TNFRSF10B: variants seen among roughly 807,000 people sequenced by gnomAD.
TNFRSF10B encodes tumor necrosis factor receptor superfamily member 10B.
A neutral mutation model predicts 41.4 loss-of-function variants in TNFRSF10B; 35 were observed. The ratio of observed to expected loss-of-function variants is 0.85; its 90% CI spans 0.65 to 1.12. The LOEUF is 1.12. Ranked by LOEUF, TNFRSF10B falls within the 50% of genes most tolerant of loss-of-function variation. TNFRSF10B has a pLI of 0.00. For missense variants in TNFRSF10B, 584 were observed against 552.7 expected (o/e 1.06, Z -0.57); for synonymous variants, 230 against 215.5 (o/e 1.07, Z -0.59).
rs1054438963 is a variant in TNFRSF10B at position 23,020,920 on chromosome 8, G to C, written c.*1751C>G. On this transcript the variant is annotated 3_prime_UTR_variant, in exon 9 of 9. Coordinates refer to ENST00000276431, the MANE Select transcript of TNFRSF10B (RefSeq NM_003842.5). Reference sequence around the variant, plus strand: ...GCAGGGGACAACGCGTGGGATGCCAGATGGAAGTGGGAGAGGATGGAAGTG... The same window carrying C: ...GCAGGGGACAACGCGTGGGATGCCACATGGAAGTGGGAGAGGATGGAAGTG... 1.7e-4 allele frequency: 75 copies of C among 453,996 alleles called. No homozygotes were observed. Among genetic ancestry groups the C allele is most frequent in the Non-Finnish European group, 8.8e-6 (2 of 226,814 alleles). 28.1% of individuals were successfully genotyped at this position (453,996 alleles called of 1,614,324 possible).
chr8:23,063,699 C>T (rs73544895), intron 1 of TNFRSF10B, among the ~76,000 whole-genome samples: 1,633 of 152,290 alleles, frequency 0.011, 27 homozygotes, highest in African/African-American at 0.037. Flanking sequence ...ACCCTAACCA[C>T]TAGGACCCAT....
intron 1 of TNFRSF10B, among the ~76,000 whole-genome samples, chr8:23,058,535 G>C (rs1194192677): frequency 1.3e-5 from 2 of 151,562 alleles, no homozygotes; most frequent in Non-Finnish European, 2.9e-5. Context: ...GCCCAGGCTG[G>C]AGTGCCATGG....
intron 2 of TNFRSF10B, among the ~76,000 whole-genome samples, chr8:23,037,919 G>T (rs1321230904): frequency 6.6e-6 from 1 of 152,140 alleles, no homozygotes; most frequent in African/African-American, 2.4e-5. Flanking sequence ...CAAAATTTTT[G>T]CTGCTTTATG....
At chr8:23,063,710 C>A (rs895187058) in intron 1 of TNFRSF10B, among the ~76,000 whole-genome samples, 2 of 152,200 alleles carry the variant, frequency 1.3e-5, no homozygotes, top group East Asian at 1.9e-4. Flanking sequence ...TAGGACCCAT[C>A]CCGAATGCTG....
chr8:23,064,176 C>G (rs1167473844), intron 1 of TNFRSF10B, among the ~76,000 whole-genome samples: 2 of 152,144 alleles, frequency 1.3e-5, no homozygotes, highest in Non-Finnish European at 2.9e-5. Flanking sequence ...GAGGGGCTGC[C>G]CAGGCAGAGG....
In TNFRSF10B at chr8:23,069,017, TTA is replaced by T; in HGVS notation, c.-125_-124del. 1 of 1,507,404 alleles carries T rather than the reference TTA, an allele frequency of 6.6e-7. No individual in the cohort carries two copies. Among genetic ancestry groups the T allele is most frequent in the Non-Finnish European group, 9.1e-7 (1 of 1,103,720 alleles). The allele number at this position is 1,507,404 out of a possible 1,614,324, so 93.4% of individuals were successfully genotyped here. On this transcript the variant is annotated 5_prime_UTR_variant, in exon 1 of 9. Transcript: ENST00000276431. ...CGGGGTTCTCCGGCCGCGTGCTGATTTATGTGTCCAGGCTGACTTGGGGCGGC... is the reference window on the plus strand; with the variant it reads ...CGGGGTTCTCCGGCCGCGTGCTGATTTGTGTCCAGGCTGACTTGGGGCGGC...
chr8:23,034,008 C>T (rs1811960965), intron 2 of TNFRSF10B, among the ~76,000 whole-genome samples: 1 of 152,140 alleles, frequency 6.6e-6, no homozygotes, highest in African/African-American at 2.4e-5. Flanking sequence ...CAGTCTGTAG[C>T]ACAGTATTAT....
rs745888724 is a variant in TNFRSF10B at position 23,030,796 on chromosome 8, G to T, written c.327C>A (p.Asp109Glu). Reference sequence around the variant, plus strand: ...TGGTGCAGCGCAAGCAGAAAAGGAGGTCATTCCAGTGAGTGCTATAGTCCT... The same window carrying T: ...TGGTGCAGCGCAAGCAGAAAAGGAGTTCATTCCAGTGAGTGCTATAGTCCT... Reference protein sequence around the residue: ...YGQDYSTHWNDLLFCLRCTRC... With the variant: ...YGQDYSTHWNELLFCLRCTRC... Residue 109 changes from aspartate to glutamate, a missense_variant, in exon 3 of 9, where the codon GAC becomes GAA. Coordinates refer to ENST00000276431, the MANE Select transcript of TNFRSF10B (RefSeq NM_003842.5). 2.5e-6 allele frequency: 4 copies of T among 1,613,258 alleles called. No homozygotes were observed. The highest frequency in any genetic ancestry group is 3.4e-6 in the Non-Finnish European group (4 of 1,179,622).
chr8:23,046,662 A>G (rs1283403505), intron 1 of TNFRSF10B, among the ~76,000 whole-genome samples: 1 of 152,046 alleles, frequency 6.6e-6, no homozygotes, highest in Non-Finnish European at 1.5e-5. Flanking sequence ...ATCATGATCA[A>G]AAAGTACAAT....
rs763844100 is a variant in TNFRSF10B at position 23,021,850 on chromosome 8, C to T, written c.*821G>A. ...TACAGGGGACTTCTTCTTCTTCCCC[C>T]ATTGTATGTCTCCTCCTTTTATGTT... is the stretch of plus-strand genomic sequence containing the variant. On this transcript the variant is annotated 3_prime_UTR_variant, in exon 9 of 9. Transcript: ENST00000276431. 56 of 454,028 alleles carry T rather than the reference C, an allele frequency of 1.2e-4. No homozygotes were observed. The highest frequency in any genetic ancestry group is 1.1e-3 in the African/African-American group (54 of 50,008). The allele number at this position is 454,028 out of a possible 1,614,324, so 28.1% of individuals were successfully genotyped here.
At chr8:23,060,221 A>G (rs999444057) in intron 1 of TNFRSF10B, among the ~76,000 whole-genome samples, 1 of 152,356 alleles carries the variant, frequency 6.6e-6, no homozygotes, top group South Asian at 2.1e-4. Context: ...GCCAAATCCA[A>G]TGTCACAGAA....
chr8:23,057,156 C>T (rs989503917), intron 1 of TNFRSF10B, among the ~76,000 whole-genome samples: 42 of 150,978 alleles, frequency 2.8e-4, no homozygotes, highest in Non-Finnish European at 1.6e-4. Flanking sequence ...TCTCCTGCCT[C>T]AGCCTCCCGA....
intron 1 of TNFRSF10B, among the ~76,000 whole-genome samples, chr8:23,054,268 G>A (rs1812601368): frequency 6.6e-6 from 1 of 152,162 alleles, no homozygotes; most frequent in South Asian, 2.1e-4. Context: ...TGAACTAATA[G>A]GAGACTGAAG....
chr8:23,034,372 T>C (rs1412620431), intron 2 of TNFRSF10B, among the ~76,000 whole-genome samples: 1 of 152,120 alleles, frequency 6.6e-6, no homozygotes, highest in African/African-American at 2.4e-5. Flanking sequence ...AAGACTATTA[T>C]GGTGGAAAAG....
chr8:23,068,887 T>C lies in TNFRSF10B; in HGVS notation c.8A>G (p.Gln3Arg), dbSNP rs1190108568. ...AGCGGCCGGGGCGTTCTGTCCCCGTTGTTCCATGGCGGTAGGGAACGCTCT... is the reference window on the plus strand; with the variant it reads ...AGCGGCCGGGGCGTTCTGTCCCCGTCGTTCCATGGCGGTAGGGAACGCTCT... ME[Q>R]RGQNAPAASG... Residue 3 changes from glutamine (Q) to arginine (R), a missense_variant, in exon 1 of 9, where the codon CAA (glutamine) becomes CGA (arginine). By Grantham distance (43) the Gln-to-Arg change is conservative. Coordinates refer to ENST00000276431, the MANE Select transcript of TNFRSF10B (RefSeq NM_003842.5). 2 of 1,613,398 alleles carry C rather than the reference T, an allele frequency of 1.2e-6. No individual in the cohort carries two copies. Among genetic ancestry groups the C allele is most frequent in the Admixed American group, 1.7e-5 (1 of 60,014 alleles).
At position 23,030,945 on chromosome 8, in the gene TNFRSF10B, A is replaced by G. The variant is rs1292306777; in HGVS notation, c.251-73T>C. The G allele has an allele frequency of 2.7e-6, 3 of 1,093,362 alleles. No homozygotes were observed. In the East Asian group the frequency reaches 7.5e-5, roughly 27 times the overall value. 67.7% of individuals were successfully genotyped at this position (1,093,362 alleles called of 1,614,324 possible). On this transcript the variant is annotated intron_variant, in intron 2 of 8. Coordinates refer to ENST00000276431, the MANE Select transcript of TNFRSF10B (RefSeq NM_003842.5). ...AGAAGCTGGCAGTGGTGGCTGGGGG[A>G]CTCCTCTTTCAGGGATGTGTGGAAC...
chr8:23,054,180 A>C (rs183817484), intron 1 of TNFRSF10B, among the ~76,000 whole-genome samples: 10 of 152,330 alleles, frequency 6.6e-5, no homozygotes, highest in Middle Eastern at 3.4e-3. Context: ...ACATCAAAAT[A>C]GAGGAAAAAC....
intron 1 of TNFRSF10B, among the ~76,000 whole-genome samples, chr8:23,060,156 T>C (rs755673395): frequency 1.3e-5 from 2 of 149,002 alleles, no homozygotes; most frequent in African/African-American, 5.2e-5. Context: ...AAGTCCAAAA[T>C]GTTTATTTTT....
chr8:23,061,984 T>G (rs1170170087), intron 1 of TNFRSF10B, among the ~76,000 whole-genome samples: 1 of 152,184 alleles, frequency 6.6e-6, no homozygotes, highest in Non-Finnish European at 1.5e-5. Flanking sequence ...TACTGGGATA[T>G]AGCTTTATTT....
Sources: allele counts gnomAD v4.1 joint callset (sites outside exome capture counted in the v4.1 genomes callset), GRCh38; gene constraint gnomAD v4.1.1; transcripts MANE v1.5; gene names NCBI Gene and HGNC (gene_info 2026-07-23, HGNC 2026-07-21).